Variants in ZCCHC7 observed in about 807,000 individuals in gnomAD.
ZCCHC7 encodes the protein zinc finger CCHC-type containing 7.
In ZCCHC7, 35 loss-of-function variants were observed where a neutral mutation model predicts 52.0. The observed-to-expected ratio is 0.67, with a 90% CI of 0.51 to 0.89. ZCCHC7 has a LOEUF of 0.89. Ranked by LOEUF, ZCCHC7 falls within the 40% of genes least tolerant of loss-of-function variation. The pLI, the probability that ZCCHC7 is intolerant of heterozygous loss-of-function variation, is 0.00. For synonymous variants in ZCCHC7, 217 were observed against 221.5 expected, an observed-to-expected ratio of 0.98 and a Z score of 0.18; for missense variants, 574 against 649.1, an observed-to-expected ratio of 0.88 and a Z score of 1.26.
intron 2 of ZCCHC7, among the ~76,000 whole-genome samples, chr9:37,208,296 G>C (rs1438380107): frequency 6.6e-6 from 1 of 152,106 alleles, no homozygotes; most frequent in Non-Finnish European, 1.5e-5. Context: ...TTGTTGCCCA[G>C]GCTGGTCTTG....
At chr9:37,353,359 C>A (rs978741620) in intron 7 of ZCCHC7, among the ~76,000 whole-genome samples, 1 of 152,176 alleles carries the variant, frequency 6.6e-6, no homozygotes, top group African/African-American at 2.4e-5. Context: ...CAGTTTGAGA[C>A]CAGCCTTGGT....
intron 2 of ZCCHC7, among the ~76,000 whole-genome samples, chr9:37,167,922 C>T (rs989869418): frequency 3.3e-5 from 5 of 152,286 alleles, no homozygotes; most frequent in Non-Finnish European, 7.4e-5. Context: ...GTGATTCTTT[C>T]CCCAGCCTCA....
At chr9:37,314,053 A>G (rs758336468) in intron 5 of ZCCHC7, among the ~76,000 whole-genome samples, 19 of 152,198 alleles carry the variant, frequency 1.2e-4, no homozygotes, top group Non-Finnish European at 2.4e-4. Flanking sequence ...AACTCTCCGT[A>G]TAGTACATAC....
chr9:37,298,865 C>T lies in ZCCHC7; in HGVS notation c.611-3323C>T, dbSNP rs145043205. Among the ~76,000 whole-genome samples the T allele has an allele frequency of 8.4e-3, 1,272 of 152,278 alleles. 8 individuals carry two copies. Among genetic ancestry groups the T allele is most frequent in the Non-Finnish European group, 0.013 (893 of 68,024 alleles). Reference sequence around the variant, plus strand: ...GGTATTATCCATTCTTCTGAATTTACCATAGCATTTGTTTGGCCTTCTCTT... The same window carrying T: ...GGTATTATCCATTCTTCTGAATTTATCATAGCATTTGTTTGGCCTTCTCTT... On this transcript the variant is annotated intron_variant, in intron 2 of 8. Coordinates refer to ENST00000336755, the MANE Select transcript of ZCCHC7 (RefSeq NM_032226.3).
At chr9:37,275,318 C>CTTTTTTTTTTTTTTTTTT (rs35954918) in intron 2 of ZCCHC7, among the ~76,000 whole-genome samples, 1 of 124,030 alleles carries the variant, frequency 8.1e-6, no homozygotes. Flanking sequence ...TCTAGTTTTC[C>CTTTTTTTTTTTTTTTTTT]TTTTTTTTTT....
chr9:37,336,333 T>G (rs554354329), intron 6 of ZCCHC7, among the ~76,000 whole-genome samples: 1 of 152,318 alleles, frequency 6.6e-6, no homozygotes, highest in African/African-American at 2.4e-5. Context: ...CTATTTCATG[T>G]TTGTTCCTTG....
intron 2 of ZCCHC7, among the ~76,000 whole-genome samples, chr9:37,238,452 G>C (rs1825746219): frequency 6.6e-6 from 1 of 152,004 alleles, no homozygotes; most frequent in Non-Finnish European, 1.5e-5. Flanking sequence ...TATTTTAACT[G>C]TTTGGTTTCT....
chr9:37,278,896 A>G (rs886896209), intron 2 of ZCCHC7, among the ~76,000 whole-genome samples: 1 of 152,214 alleles, frequency 6.6e-6, no homozygotes, highest in African/African-American at 2.4e-5. Flanking sequence ...TTTAAAAGTG[A>G]GAAAGGACCA....
intron 2 of ZCCHC7, among the ~76,000 whole-genome samples, chr9:37,282,432 G>A (rs946048727): frequency 6.6e-6 from 1 of 151,612 alleles, no homozygotes; most frequent in African/African-American, 2.4e-5. Context: ...GTGAAACCCC[G>A]TCTCTACTAA....
chr9:37,349,207 T>C (rs774643276), intron 6 of ZCCHC7, 150 bp from the exon 7 acceptor site: 5 of 639,790 alleles, frequency 7.8e-6, no homozygotes, highest in Non-Finnish European at 1.3e-5. Context: ...TGTTATATAC[T>C]TTAATATATG....
intron 2 of ZCCHC7, among the ~76,000 whole-genome samples, chr9:37,167,601 A>G (rs1821495155): frequency 6.6e-6 from 1 of 152,134 alleles, no homozygotes; most frequent in African/African-American, 2.4e-5. Context: ...GGAATCTTTG[A>G]TTAGAAGCCA....
chr9:37,160,695 G>A lies in ZCCHC7; in HGVS notation c.610+33753G>A, dbSNP rs35936558. Among the ~76,000 whole-genome samples, 4 of 151,902 alleles carry A rather than the reference G, an allele frequency of 2.6e-5. No individual in the cohort carries two copies. In the South Asian group the frequency reaches 6.2e-4, roughly 24 times the overall value. Reference sequence around the variant, plus strand: ...GAGGTCAGGAGTTCAAGACCAGCCCGGCCAATGTGTTGAAACCCCGTCTGT... The same window carrying A: ...GAGGTCAGGAGTTCAAGACCAGCCCAGCCAATGTGTTGAAACCCCGTCTGT... On this transcript the variant is annotated intron_variant, in intron 2 of 8. Transcript: ENST00000336755.
In ZCCHC7 at chr9:37,126,439, A is replaced by C; in HGVS notation, c.107A>C (p.Tyr36Ser). 3 of 1,613,936 alleles carry C rather than the reference A, an allele frequency of 1.9e-6. No homozygotes were observed. Among genetic ancestry groups the C allele is most frequent in the Non-Finnish European group, 2.5e-6 (3 of 1,180,034 alleles). ...GATAGTGAGGTGGAATTTCAACTCT[A>C]TAGCCAAATTCATTATGCCCAAGAT... ...SVDSEVEFQL[Y>S]SQIHYAQDLD... Residue 36 changes from tyrosine to serine, a missense_variant, in exon 2 of 9, where the codon TAT becomes TCT. This residue lies in a region of ZCCHC7 where 403 missense variants were observed against 461.2 expected (regional missense o/e 0.87). Coordinates refer to ENST00000336755, the MANE Select transcript of ZCCHC7 (RefSeq NM_032226.3).
intron 2 of ZCCHC7, among the ~76,000 whole-genome samples, chr9:37,234,736 T>A (rs1825563848): frequency 6.6e-6 from 1 of 152,208 alleles, no homozygotes; most frequent in African/African-American, 2.4e-5. Flanking sequence ...TTAGAAAAAT[T>A]AAAATAATTT....
intron 2 of ZCCHC7, among the ~76,000 whole-genome samples, chr9:37,219,822 A>G (rs1156759224): frequency 2.6e-5 from 4 of 152,206 alleles, no homozygotes; most frequent in African/African-American, 9.7e-5. Context: ...GGAATAGTCT[A>G]TTTAGCTTTT....
intron 2 of ZCCHC7, among the ~76,000 whole-genome samples, chr9:37,165,048 T>G (rs1256125629): frequency 6.6e-6 from 1 of 152,260 alleles, no homozygotes; most frequent in African/African-American, 2.4e-5. Flanking sequence ...GTCAACAATA[T>G]AACTTTAGTT....
intron 2 of ZCCHC7, among the ~76,000 whole-genome samples, chr9:37,187,438 C>CTCAGT (rs1164580711): frequency 6.6e-6 from 1 of 152,210 alleles, no homozygotes; most frequent in Non-Finnish European, 1.5e-5. Context: ...GGAGGCGGAG[C>CTCAGT]TCAGGCTCTA....
intron 6 of ZCCHC7, among the ~76,000 whole-genome samples, chr9:37,341,811 T>C (rs949157740): frequency 1.3e-5 from 2 of 152,074 alleles, no homozygotes; most frequent in African/African-American, 4.8e-5. Context: ...GCAGATCAAG[T>C]AGCTGGTGCA....
At chr9:37,150,308 ATTTTGAG>A (rs1445481909) in intron 2 of ZCCHC7, among the ~76,000 whole-genome samples, 6 of 152,242 alleles carry the variant, frequency 3.9e-5, no homozygotes, top group Non-Finnish European at 1.5e-5. Flanking sequence ...GGTTCCAAAT[ATTTTGAG>A]GACCAGTAAA....
Sources: allele counts gnomAD v4.1 joint callset (sites outside exome capture counted in the v4.1 genomes callset), GRCh38; gene constraint gnomAD v4.1.1; regional missense constraint gnomAD v4.1.1; transcripts MANE v1.5; gene names NCBI Gene and HGNC (gene_info 2026-07-23, HGNC 2026-07-21).